Variants in GALNT1 observed in about 807,000 individuals in gnomAD.
GALNT1 encodes the protein GalNAc transferase 1.
In GALNT1, 17 loss-of-function variants were observed where a neutral mutation model predicts 65.7. The observed-to-expected ratio is 0.26, with a 90% CI of 0.18 to 0.39. The LOEUF is 0.39. GALNT1 is among the 10% of genes least tolerant of loss of function. The pLI, the probability that GALNT1 is intolerant of heterozygous loss-of-function variation, is 1.00. For synonymous variants in GALNT1, 210 were observed against 219.7 expected, an observed-to-expected ratio of 0.96 and a Z score of 0.39; for missense variants, 460 against 672.8, an observed-to-expected ratio of 0.68 and a Z score of 3.50.
At position 35,651,356 on chromosome 18, in the gene GALNT1, C is replaced by A. The variant is rs185685383; in HGVS notation, c.-103-3204C>A. On this transcript the variant is annotated intron_variant, in intron 1 of 11. Coordinates refer to ENST00000269195, the MANE Select transcript of GALNT1 (RefSeq NM_020474.4). ...TAAAGAAACTGCCACCACCCCTTTACCTTGAGGAAAAAAACTTCAAAATGT... is the reference window on the plus strand; with the variant it reads ...TAAAGAAACTGCCACCACCCCTTTAACTTGAGGAAAAAAACTTCAAAATGT... 7.2e-3 allele frequency among the ~76,000 whole-genome samples: 1,090 copies of A among 152,148 alleles called. 13 individuals are homozygous for A. Among genetic ancestry groups the A allele is most frequent in the African/African-American group, 0.024 (1,012 of 41,512 alleles).
In GALNT1 at chr18:35,644,151, A is replaced by T. The variant is rs369419688; in HGVS notation, c.-103-10409A>T. Among the ~76,000 whole-genome samples the T allele has an allele frequency of 1.2e-3, 179 of 152,346 alleles. 1 individual carries two copies. Among genetic ancestry groups the T allele is most frequent in the African/African-American group, 4.0e-3 (165 of 41,584 alleles). ...TTCTTCTGACCTCTAAACTTGAGAT[A>T]ACACCCGGGAAATAACTACAGAAAG... On this transcript the variant is annotated intron_variant, in intron 1 of 11. Transcript: ENST00000269195.
rs144866831 is a variant in GALNT1 at position 35,659,588 on chromosome 18, TTATA to T, written c.140-4037_140-4034del. On this transcript the variant is annotated intron_variant, in intron 2 of 11. Coordinates refer to ENST00000269195, the MANE Select transcript of GALNT1 (RefSeq NM_020474.4). ...TTTATCCACTTTATGGATTTGGGTGTTATATAGAGTGTTCAGTATTTTTAAAGAT... is the reference window on the plus strand; with the variant it reads ...TTTATCCACTTTATGGATTTGGGTGTTAGAGTGTTCAGTATTTTTAAAGAT... Among the ~76,000 whole-genome samples the T allele has an allele frequency of 5.5e-3, 842 of 152,266 alleles. 5 individuals carry two copies. The highest frequency in any genetic ancestry group is 0.01 in the Non-Finnish European group (693 of 68,006).
chr18:35,593,146 G>A (rs1287974439), intron 1 of GALNT1, among the ~76,000 whole-genome samples: 4 of 152,140 alleles, frequency 2.6e-5, no homozygotes, highest in Admixed American at 1.3e-4. Context: ...TGTGGCACAC[G>A]GAGGTGTTTT....
intron 3 of GALNT1, among the ~76,000 whole-genome samples, chr18:35,673,220 A>G (rs1283643043): frequency 6.6e-6 from 1 of 152,228 alleles, no homozygotes; most frequent in Non-Finnish European, 1.5e-5. Flanking sequence ...ATTGAAAATC[A>G]TAGCTTGAAG....
chr18:35,682,104 A>C (rs901211616), intron 4 of GALNT1, among the ~76,000 whole-genome samples: 1 of 152,158 alleles, frequency 6.6e-6, no homozygotes, highest in Non-Finnish European at 1.5e-5. Context: ...ATCAATTTAG[A>C]TCCTTCTGAC....
intron 3 of GALNT1, among the ~76,000 whole-genome samples, chr18:35,674,969 C>A (rs971707545): frequency 8.7e-6 from 1 of 114,884 alleles, no homozygotes; most frequent in African/African-American, 3.5e-5. Context: ...AGCGACAGAG[C>A]GAGACTCCGT....
At chr18:35,698,542 C>G (rs1428115067) in intron 9 of GALNT1, among the ~76,000 whole-genome samples, 1 of 152,158 alleles carries the variant, frequency 6.6e-6, no homozygotes, top group African/African-American at 2.4e-5. Flanking sequence ...CCTGGTTCTT[C>G]AGTCACAATA....
chr18:35,663,284 G>T (rs942613007), intron 2 of GALNT1, among the ~76,000 whole-genome samples: 14 of 152,130 alleles, frequency 9.2e-5, no homozygotes, highest in African/African-American at 3.1e-4. Flanking sequence ...GGAAAATTAG[G>T]TTCAATTCCC....
intron 9 of GALNT1, among the ~76,000 whole-genome samples, chr18:35,696,868 C>G (rs2048067036): frequency 6.6e-6 from 1 of 152,148 alleles, no homozygotes; most frequent in African/African-American, 2.4e-5. Flanking sequence ...AAAAGTGAAT[C>G]CAGATTCACT....
chr18:35,636,729 A>G (rs771916039), intron 1 of GALNT1, among the ~76,000 whole-genome samples: 2 of 151,080 alleles, frequency 1.3e-5, no homozygotes, highest in Non-Finnish European at 1.5e-5. Context: ...TCAAAAATAC[A>G]GGCATGTCCA....
At chr18:35,600,682 G>A (rs1003183754) in intron 1 of GALNT1, among the ~76,000 whole-genome samples, 3 of 151,962 alleles carry the variant, frequency 2.0e-5, no homozygotes, top group African/African-American at 4.8e-5. Flanking sequence ...TTATTTTTGC[G>A]GGGAGGGGTA....
intron 1 of GALNT1, among the ~76,000 whole-genome samples, chr18:35,640,106 T>C (rs2047142252): frequency 6.6e-6 from 1 of 152,192 alleles, no homozygotes; most frequent in Admixed American, 6.5e-5. Context: ...CCTTAACTAC[T>C]AGATTTCTTT....
At position 35,654,731 on chromosome 18, in the gene GALNT1, C is replaced by T. The variant is rs777498115; in HGVS notation, c.69C>T (p.Phe23=). Residue 23 remains phenylalanine, a synonymous_variant, in exon 2 of 12, where the codon TTC becomes TTT. Transcript: ENST00000269195. ...TGATTTGGGTACTCTTGGATATGTT[C>T]CTGCTGCTTTACTTCAGTGAATGCA... ...TSLIWVLLDM[F]LLLYFSECNK... 6.3e-7 allele frequency: 1 copy of T among 1,582,090 alleles called. No individual in the cohort carries two copies. Among genetic ancestry groups the T allele is most frequent in the Non-Finnish European group, 8.6e-7 (1 of 1,162,286 alleles).
intron 1 of GALNT1, among the ~76,000 whole-genome samples, chr18:35,636,779 C>CTTT (rs1292356376): frequency 1.0e-5 from 1 of 97,794 alleles, no homozygotes; most frequent in African/African-American, 4.0e-5. Flanking sequence ...ACAGATACTA[C>CTTT]TTTGTTTTTT....
At chr18:35,601,681 A>T (rs1228582701) in intron 1 of GALNT1, among the ~76,000 whole-genome samples, 1 of 152,122 alleles carries the variant, frequency 6.6e-6, no homozygotes, top group African/African-American at 2.4e-5. Context: ...GACAGATTTG[A>T]ATTTGTTGAG....
In GALNT1 at chr18:35,677,701, G is replaced by A. The variant is rs754705600; in HGVS notation, c.425G>A (p.Arg142His). 1.1e-5 allele frequency: 17 copies of A among 1,612,182 alleles called. No individual in the cohort carries two copies. Among genetic ancestry groups the A allele is most frequent in the Admixed American group, 1.7e-5 (1 of 59,900 alleles). ...LLRTVHSVIN[R>H]SPRHMIEEIV... Reference sequence around the variant, plus strand: ...CGAACTGTCCATAGTGTCATTAATCGCTCACCAAGACACATGATAGAAGAA... The same window carrying A: ...CGAACTGTCCATAGTGTCATTAATCACTCACCAAGACACATGATAGAAGAA... The change falls in exon 4 of 12, where the codon CGC (arginine) becomes CAC (histidine). Residue 142 changes from arginine (R) to histidine (H), a missense_variant. Physicochemically the swap from Arg to His is conservative, Grantham distance 29. Coordinates refer to ENST00000269195, the MANE Select transcript of GALNT1 (RefSeq NM_020474.4).
At chr18:35,661,228 G>T (rs1231374909) in intron 2 of GALNT1, among the ~76,000 whole-genome samples, 13 of 152,150 alleles carry the variant, frequency 8.5e-5, no homozygotes. Context: ...GCTGGGAGCG[G>T]TGGCTCACAC....
intron 1 of GALNT1, among the ~76,000 whole-genome samples, chr18:35,588,305 TC>T (rs2046400750): frequency 1.3e-5 from 2 of 152,186 alleles, no homozygotes; most frequent in Non-Finnish European, 2.9e-5. Flanking sequence ...CCACTGTCAT[TC>T]TAATAATTTT....
chr18:35,581,534 C>CG (rs758919706), upstream of GALNT1, among the ~76,000 whole-genome samples: 142,731 of 142,740 alleles, frequency 1, 71,361 homozygotes, highest in Middle Eastern at 1. Flanking sequence ...CGAGCGCCTG[C>CG]GGGCGCCCTG....
Sources: gnomAD v4.1 joint callset for allele counts (sites outside exome capture counted in the v4.1 genomes callset) on GRCh38, gnomAD v4.1.1 for gene constraint, MANE v1.5 for transcripts, NCBI Gene and HGNC (gene_info 2026-07-23, HGNC 2026-07-21) for gene names.